The following PCDH9 variants were observed in gnomAD, a reference collection of about 807,000 sequenced individuals.
The protein encoded by PCDH9 is protocadherin 9.
PCDH9 carries 24 observed loss-of-function variants against 70.6 expected under a neutral mutation model. The ratio of observed to expected loss-of-function variants is 0.34; its 90% CI spans 0.25 to 0.48. PCDH9 has a LOEUF of 0.48. Ranked by LOEUF, PCDH9 falls within the 20% of genes least tolerant of loss-of-function variation. The probability of loss-of-function intolerance (pLI) is 0.99; values close to 1 mark genes in which losing one functional copy is unlikely to be tolerated. For synonymous variants in PCDH9, 562 were observed against 558.5 expected, an observed-to-expected ratio of 1.01 and a Z score of -0.09; for missense variants, 1,281 against 1,503.6, an observed-to-expected ratio of 0.85 and a Z score of 2.45.
intron 3 of PCDH9, among the ~76,000 whole-genome samples, chr13:66,711,390 TG>T (rs1323092201): frequency 2.4e-5 from 3 of 127,598 alleles, no homozygotes; most frequent in Non-Finnish European, 3.4e-5. Context: ...AGAAGAAAAT[TG>T]CAAAAAAAAA....
intron 3 of PCDH9, among the ~76,000 whole-genome samples, chr13:66,746,717 A>G (rs2079370444): frequency 2.0e-5 from 3 of 152,294 alleles, no homozygotes; most frequent in Middle Eastern, 6.8e-3. Context: ...TTTGAAATCA[A>G]ACTTCTTCAA....
chr13:66,365,325 T>C (rs1424775736), intron 4 of PCDH9, among the ~76,000 whole-genome samples: 2 of 152,200 alleles, frequency 1.3e-5, no homozygotes, highest in Admixed American at 6.5e-5. Context: ...CAGTTATTTC[T>C]GAGTCATCTT....
intron 2 of PCDH9, among the ~76,000 whole-genome samples, chr13:67,032,865 G>T (rs1016452197): frequency 2.6e-5 from 4 of 152,170 alleles, no homozygotes; most frequent in Non-Finnish European, 5.9e-5. Context: ...GAAGCATTCA[G>T]TCAGTTATTA....
intron 3 of PCDH9, among the ~76,000 whole-genome samples, chr13:66,647,390 T>C (rs2077786251): frequency 6.6e-6 from 1 of 152,062 alleles, no homozygotes; most frequent in Non-Finnish European, 1.5e-5. Flanking sequence ...GGCAGAGTCT[T>C]GAGGCCCCCA....
At chr13:67,113,681 G>A (rs908828691) in intron 2 of PCDH9, among the ~76,000 whole-genome samples, 2 of 152,060 alleles carry the variant, frequency 1.3e-5, no homozygotes, top group Non-Finnish European at 2.9e-5. Flanking sequence ...CCGAGTAGCT[G>A]GGACTACAGG....
chr13:66,713,623 G>GTATATATATATATATATATA lies in PCDH9; in HGVS notation c.3139-82213_3139-82212insTATATATATATATATATATA, dbSNP rs762817724. 8.5e-3 allele frequency among the ~76,000 whole-genome samples: 787 copies of GTATATATATATATATATATA among 92,664 alleles called. 9 individuals are homozygous for GTATATATATATATATATATA. The highest frequency in any genetic ancestry group is 0.026 in the Middle Eastern group (4 of 156). The allele number at this position is 92,664 out of a possible 152,430, so 60.8% of individuals were successfully genotyped here. The stretch of plus-strand genomic sequence containing the variant: ...GTATATATATATAAAGTGTGTGTGT[G>GTATATATATATATATATATA]TGTATATATATATATATATATATAT... On this transcript the variant is annotated intron_variant, in intron 3 of 4. Coordinates refer to ENST00000377865, the MANE Select transcript of PCDH9 (RefSeq NM_203487.3).
At chr13:66,856,237 G>GTT (rs942618046) in intron 3 of PCDH9, among the ~76,000 whole-genome samples, 1 of 151,966 alleles carries the variant, frequency 6.6e-6, no homozygotes, top group Non-Finnish European at 1.5e-5. Flanking sequence ...TTAAACTAAA[G>GTT]TTTTTATTAC....
intron 4 of PCDH9, among the ~76,000 whole-genome samples, chr13:66,381,261 A>C (rs758575375): frequency 6.6e-6 from 1 of 152,196 alleles, no homozygotes; most frequent in Non-Finnish European, 1.5e-5. Context: ...TTCATTATGA[A>C]AAATAATAGA....
chr13:66,641,268 C>T (rs2077705124), intron 3 of PCDH9, among the ~76,000 whole-genome samples: 1 of 152,102 alleles, frequency 6.6e-6, no homozygotes, highest in Non-Finnish European at 1.5e-5. Context: ...TGATGTACCC[C>T]TGTAGCACAG....
chr13:66,667,261 T>A (rs954242688), intron 3 of PCDH9, among the ~76,000 whole-genome samples: 1 of 152,162 alleles, frequency 6.6e-6, no homozygotes, highest in Admixed American at 6.6e-5. Flanking sequence ...GGAAGTTGGC[T>A]GAGAATGTGT....
rs1000471672 is a variant in PCDH9 at position 66,587,132 on chromosome 13, C to T, written c.3340+44078G>A. On this transcript the variant is annotated intron_variant, in intron 4 of 4. Coordinates refer to ENST00000377865, the MANE Select transcript of PCDH9 (RefSeq NM_203487.3). The stretch of plus-strand genomic sequence containing the variant: ...GCAACATAGTGAGACCTTGTCTCTA[C>T]AAAAAATATTTGAAAATTAGCTGGG... 2.6e-5 allele frequency among the ~76,000 whole-genome samples: 4 copies of T among 151,828 alleles called. No individual in the cohort carries two copies. The South Asian group carries it at 6.3e-4, about 24-fold the overall frequency.
At chr13:67,225,188 CTG>C in intron 2 of PCDH9, 2 of 1,366,548 alleles carry the variant, frequency 1.5e-6, no homozygotes, top group Non-Finnish European at 1.9e-6. Flanking sequence ...TTGAAGGAAA[CTG>C]AAAGGAGAAA....
intron 3 of PCDH9, among the ~76,000 whole-genome samples, chr13:66,647,394 GC>G (rs1456833814): frequency 6.6e-6 from 1 of 151,992 alleles, no homozygotes; most frequent in African/African-American, 2.4e-5. Flanking sequence ...GAGTCTTGAG[GC>G]CCCCAATCCA....
chr13:67,107,045 G>C (rs986603931), intron 2 of PCDH9, among the ~76,000 whole-genome samples: 2 of 152,178 alleles, frequency 1.3e-5, no homozygotes, highest in Admixed American at 6.5e-5. Flanking sequence ...ATTGATGGTG[G>C]CAGACAGGCT....
intron 2 of PCDH9, among the ~76,000 whole-genome samples, chr13:67,062,202 T>A (rs1791130992): frequency 6.6e-6 from 1 of 152,032 alleles, no homozygotes; most frequent in African/African-American, 2.4e-5. Context: ...AAACAGATAG[T>A]GAAACATAGA....
chr13:67,113,709 G>A (rs1424186262), intron 2 of PCDH9, among the ~76,000 whole-genome samples: 7 of 151,974 alleles, frequency 4.6e-5, no homozygotes, highest in African/African-American at 1.5e-4. Context: ...CATCACGCCC[G>A]GCTAATTTTT....
chr13:66,446,013 T>C (rs1018024923), intron 4 of PCDH9, among the ~76,000 whole-genome samples: 5 of 151,808 alleles, frequency 3.3e-5, no homozygotes, highest in Non-Finnish European at 5.9e-5. Context: ...CAAACTTGTC[T>C]TTCAAACTAT....
chr13:67,088,349 C>T (rs185675398), intron 2 of PCDH9, among the ~76,000 whole-genome samples: 4 of 152,100 alleles, frequency 2.6e-5, no homozygotes, highest in African/African-American at 9.6e-5. Flanking sequence ...GCAGGCCATA[C>T]ATTCACTCAC....
intron 2 of PCDH9, among the ~76,000 whole-genome samples, chr13:67,145,627 G>A (rs779183669): frequency 2.6e-5 from 4 of 151,882 alleles, no homozygotes; most frequent in African/African-American, 7.2e-5. Flanking sequence ...TGAAGTTTCA[G>A]CCATATATTC....
Sources: gnomAD v4.1 joint callset for allele counts (sites outside exome capture counted in the v4.1 genomes callset) on GRCh38, gnomAD v4.1.1 for gene constraint, MANE v1.5 for transcripts, NCBI Gene and HGNC (gene_info 2026-07-23, HGNC 2026-07-21) for gene names.